LRRC49: variants seen among roughly 807,000 people sequenced by gnomAD.
The protein encoded by LRRC49 is leucine-rich repeat-containing protein 49.
In LRRC49, 50 loss-of-function variants were observed where a neutral mutation model predicts 83.3. The ratio of observed to expected loss-of-function variants is 0.60; its 90% CI spans 0.48 to 0.76. LRRC49 has a LOEUF of 0.76. Ranked by LOEUF, LRRC49 falls within the 30% of genes least tolerant of loss-of-function variation. LRRC49 has a pLI of 0.00. For synonymous variants in LRRC49, 286 were observed against 283.3 expected (o/e 1.01, Z -0.10); for missense variants, 704 against 809.1 (o/e 0.87, Z 1.58).
At chr15:71,008,686 C>A in intron 12 of LRRC49, 70 bp downstream of exon 12, 1 of 1,045,320 alleles carries the variant, frequency 9.6e-7, no homozygotes, top group Non-Finnish European at 1.4e-6. Flanking sequence ...GGCCAAAGAC[C>A]TGTTTTAACT....
intron 10 of LRRC49, among the ~76,000 whole-genome samples, chr15:70,981,840 C>T (rs761612784): frequency 6.6e-6 from 1 of 151,954 alleles, no homozygotes; most frequent in Admixed American, 6.6e-5. Context: ...TTGGGTACCC[C>T]CTTATGCCTT....
Position 70,995,050 on chromosome 15 carries a change from G to A in LRRC49, c.1169+10793G>A, listed in dbSNP as rs77833953. On this transcript the variant is annotated intron_variant, in intron 11 of 15. Transcript: ENST00000260382. The stretch of plus-strand genomic sequence containing the variant: ...GGTTGAGTGAGTTTATTCCAAGATC[G>A]CAGAGTAGCTAAGTATAACAGAAGA... Among the ~76,000 whole-genome samples, 167 of 152,242 alleles carry A rather than the reference G, an allele frequency of 1.1e-3. 2 individuals carry two copies. The East Asian group carries it at 0.029, about 27-fold the overall frequency.
At position 71,050,732 on chromosome 15, in the gene LRRC49, C is replaced by T. The variant is rs2039983154; in HGVS notation, c.*1120C>T. On this transcript the variant is annotated 3_prime_UTR_variant, in exon 16 of 16. Coordinates refer to ENST00000260382, the MANE Select transcript of LRRC49 (RefSeq NM_017691.5). ...CTGCTATTGCGGTTCTGAGAAAGAC[C>T]CACATCCTTAAGATCTCTTGATTAC... 6.6e-6 allele frequency: 1 copy of T among 152,164 alleles called. No homozygotes were observed. Among genetic ancestry groups the T allele is most frequent in the African/African-American group, 2.4e-5 (1 of 41,424 alleles). 9.4% of individuals were successfully genotyped at this position (152,164 alleles called of 1,614,324 possible).
intron 15 of LRRC49, among the ~76,000 whole-genome samples, chr15:71,046,097 A>G (rs2039848061): frequency 6.6e-6 from 1 of 152,134 alleles, no homozygotes; most frequent in Admixed American, 6.6e-5. Flanking sequence ...CCAATCTACC[A>G]TTGATGGGCA....
intron 5 of LRRC49, among the ~76,000 whole-genome samples, chr15:70,909,235 C>T (rs866894668): frequency 1.3e-5 from 2 of 152,030 alleles, no homozygotes; most frequent in African/African-American, 4.8e-5. Flanking sequence ...AATCACAGGC[C>T]AGCATTTTAA....
chr15:70,996,995 C>A (rs2038095698), intron 11 of LRRC49, among the ~76,000 whole-genome samples: 2 of 152,150 alleles, frequency 1.3e-5, no homozygotes, highest in South Asian at 4.1e-4. Context: ...AGAGAATTTT[C>A]CATGCGTACT....
intron 2 of LRRC49, chr15:70,873,289 A>C: frequency 6.9e-7 from 1 of 1,456,650 alleles, no homozygotes; most frequent in Non-Finnish European, 9.3e-7. Context: ...CCCTCACTGA[A>C]CTAAAACATC....
intron 14 of LRRC49, among the ~76,000 whole-genome samples, chr15:71,013,244 G>T (rs1308335724): frequency 6.6e-6 from 1 of 152,142 alleles, no homozygotes; most frequent in African/African-American, 2.4e-5. Flanking sequence ...AGTTCTTTGG[G>T]AATGAGTAGG....
At chr15:70,905,149 C>T (rs988068720) in intron 5 of LRRC49, among the ~76,000 whole-genome samples, 2 of 152,168 alleles carry the variant, frequency 1.3e-5, no homozygotes, top group Non-Finnish European at 2.9e-5. Context: ...GTGATTATCT[C>T]ACAAATTGAT....
At chr15:70,948,937 A>G (rs1248697001) in intron 8 of LRRC49, among the ~76,000 whole-genome samples, 1 of 152,188 alleles carries the variant, frequency 6.6e-6, no homozygotes, top group Non-Finnish European at 1.5e-5. Context: ...TCTCTGTTTC[A>G]AGTACTTAAC....
chr15:70,904,444 T>C, intron 4 of LRRC49, 108 bp from the exon 5 acceptor site: 1 of 712,176 alleles, frequency 1.4e-6, no homozygotes, highest in East Asian at 2.7e-5. Flanking sequence ...GTCCAACTTA[T>C]TTTTTTCTCC....
intron 8 of LRRC49, among the ~76,000 whole-genome samples, chr15:70,950,236 G>T (rs962497091): frequency 6.6e-6 from 1 of 152,100 alleles, no homozygotes; most frequent in African/African-American, 2.4e-5. Flanking sequence ...TTGATTCCGT[G>T]TCTGCTGTTG....
At chr15:70,891,502 C>T (rs559924742), upstream of LRRC49, among the ~76,000 whole-genome samples, 5 of 151,890 alleles carry the variant, frequency 3.3e-5, no homozygotes, top group East Asian at 9.7e-4. Flanking sequence ...TCAAATTAAA[C>T]CCTTTCTATT....
chr15:70,882,851 T>C (rs946245862), intron 2 of LRRC49: 14 of 1,614,024 alleles, frequency 8.7e-6, no homozygotes, highest in African/African-American at 1.3e-5. Context: ...GAAGTGACAG[T>C]ATTAGATGGA....
chr15:70,954,228 T>G (rs887571496), intron 8 of LRRC49, among the ~76,000 whole-genome samples: 2 of 152,224 alleles, frequency 1.3e-5, no homozygotes, highest in Non-Finnish European at 2.9e-5. Flanking sequence ...CTTGGTCTAT[T>G]CTGCTTTTAA....
rs200841807 is a variant in LRRC49 at position 70,899,277 on chromosome 15, CTG to C, written c.194-1644_194-1643del. On this transcript the variant is annotated intron_variant, in intron 3 of 15. Coordinates refer to ENST00000260382, the MANE Select transcript of LRRC49 (RefSeq NM_017691.5). Reference sequence around the variant, plus strand: ...ACCTAACTAATGCTAACAAGAGAAACTGAGGTTGTCTGCTGCTTGGAGTTTTT... The same window carrying C: ...ACCTAACTAATGCTAACAAGAGAAACAGGTTGTCTGCTGCTTGGAGTTTTT... 1.5e-3 allele frequency among the ~76,000 whole-genome samples: 232 copies of C among 152,246 alleles called. 1 individual carries two copies. The highest frequency in any genetic ancestry group is 0.015 in the East Asian group (76 of 5,170).
intron 4 of LRRC49, among the ~76,000 whole-genome samples, chr15:70,903,512 AT>A (rs552760486): frequency 6.6e-5 from 10 of 151,210 alleles, no homozygotes; most frequent in Admixed American, 3.3e-4. Flanking sequence ...ACATTCAGTT[AT>A]TTTTTTTTCT....
At chr15:70,887,357 A>G (rs563231436) in intron 2 of LRRC49, among the ~76,000 whole-genome samples, 18 of 152,296 alleles carry the variant, frequency 1.2e-4, no homozygotes, top group Admixed American at 3.9e-4. Context: ...CACAGATACA[A>G]AAATCCTAAA....
At chr15:70,946,065 CA>C (rs2141172095) in intron 8 of LRRC49, among the ~76,000 whole-genome samples, 1 of 152,110 alleles carries the variant, frequency 6.6e-6, no homozygotes, top group Admixed American at 6.5e-5. Flanking sequence ...TGTTACCTCA[CA>C]TACTTATCTT....
Sources: gnomAD v4.1 joint callset for allele counts (sites outside exome capture counted in the v4.1 genomes callset) on GRCh38, gnomAD v4.1.1 for gene constraint, MANE v1.5 for transcripts, NCBI Gene and HGNC (gene_info 2026-07-23, HGNC 2026-07-21) for gene names.